HCRTR2: variants seen among roughly 807,000 people sequenced by gnomAD.
HCRTR2 encodes the protein hypocretin receptor 2, also known as orexin receptor type 2.
Under a neutral mutation model 49.0 loss-of-function variants are expected in HCRTR2, and 22 were observed. The ratio of observed to expected loss-of-function variants is 0.45; its 90% CI spans 0.32 to 0.64. The LOEUF (loss-of-function observed/expected upper bound fraction) is 0.64. HCRTR2 is among the 30% of genes least tolerant of loss of function. The pLI is 0.04. For missense variants in HCRTR2, 491 were observed against 559.4 expected (o/e 0.88, Z 1.23); for synonymous variants, 236 against 205.3 (o/e 1.15, Z -1.28).
rs538938558 is a variant in HCRTR2 at position 55,187,830 on chromosome 6, G to T, written c.223+13020G>T. The stretch of plus-strand genomic sequence containing the variant: ...AATGCTCTGTCTCCCAGACTGGAGT[G>T]CAGTGGCGCAATCTCGCCTCAGTGC... On this transcript the variant is annotated intron_variant, in intron 1 of 6. Coordinates refer to ENST00000370862, the MANE Select transcript of HCRTR2 (RefSeq NM_001384272.1). 2.6e-5 allele frequency among the ~76,000 whole-genome samples: 4 copies of T among 152,158 alleles called. No homozygotes were observed. In the South Asian group the frequency reaches 8.3e-4, roughly 32 times the overall value.
intron 1 of HCRTR2, among the ~76,000 whole-genome samples, chr6:55,111,986 A>C: frequency 6.6e-6 from 1 of 152,104 alleles, no homozygotes; most frequent in East Asian, 1.9e-4. Flanking sequence ...GGAATGGTTT[A>C]ACATATGCAA....
chr6:55,171,307 A>G (rs546466450), upstream of HCRTR2, among the ~76,000 whole-genome samples: 3 of 152,242 alleles, frequency 2.0e-5, no homozygotes, highest in East Asian at 5.8e-4. Flanking sequence ...TGAAAATATC[A>G]ATTCATTTAA....
chr6:55,129,794 T>C (rs1764329518), intron 1 of HCRTR2, among the ~76,000 whole-genome samples: 1 of 152,048 alleles, frequency 6.6e-6, no homozygotes. Context: ...ATCACATGTC[T>C]TCTCAGCCAA....
intron 1 of HCRTR2, among the ~76,000 whole-genome samples, chr6:55,240,501 C>T (rs1279823516): frequency 6.6e-6 from 1 of 151,870 alleles, no homozygotes; most frequent in South Asian, 2.1e-4. Context: ...GGCACGTTTG[C>T]ATGTAGTTCT....
At chr6:55,151,761 A>G (rs769576867) in intron 1 of HCRTR2, among the ~76,000 whole-genome samples, 29 of 151,946 alleles carry the variant, frequency 1.9e-4, no homozygotes, top group Non-Finnish European at 3.7e-4. Flanking sequence ...ATCACTATCT[A>G]TGGGAGCTAT....
chr6:55,184,826 C>T (rs1459157465), intron 1 of HCRTR2, among the ~76,000 whole-genome samples: 4 of 152,070 alleles, frequency 2.6e-5, no homozygotes, highest in Admixed American at 6.5e-5. Flanking sequence ...ATTTATAAGG[C>T]CCATGGTTTA....
intron 1 of HCRTR2, among the ~76,000 whole-genome samples, chr6:55,178,431 G>A (rs1034100750): frequency 6.6e-6 from 1 of 151,976 alleles, no homozygotes; most frequent in Non-Finnish European, 1.5e-5. Context: ...ATTAAAGATC[G>A]ATAATGACTG....
Position 55,246,670 on chromosome 6 carries a change from T to C in HCRTR2, c.224-1969T>C, listed in dbSNP as rs183744301. Among the ~76,000 whole-genome samples, 177 of 152,198 alleles carry C rather than the reference T, an allele frequency of 1.2e-3. 1 individual carries two copies. The highest frequency in any genetic ancestry group is 2.0e-3 in the Non-Finnish European group (139 of 67,970). ...AACACTTAAATTGAAGACCTAGTAC[T>C]TAGTTTTACTTTTACTTACTCTAGT... On this transcript the variant is annotated intron_variant, in intron 1 of 6. Coordinates refer to ENST00000370862, the MANE Select transcript of HCRTR2 (RefSeq NM_001384272.1).
chr6:55,182,551 G>T (rs1561998338), intron 1 of HCRTR2, among the ~76,000 whole-genome samples: 1 of 152,156 alleles, frequency 6.6e-6, no homozygotes, highest in Non-Finnish European at 1.5e-5. Context: ...CTTCAGACCA[G>T]GTTGAGTCTT....
At position 55,182,966 on chromosome 6, in the gene HCRTR2, A is replaced by G. The variant is rs553321522; in HGVS notation, c.223+8156A>G. On this transcript the variant is annotated intron_variant, in intron 1 of 6. Transcript: ENST00000370862. Reference sequence around the variant, plus strand: ...GAACAAGATAATTTGGAGGAATTCAATGCTTAATGGCATACCACTAAGATA... The same window carrying G: ...GAACAAGATAATTTGGAGGAATTCAGTGCTTAATGGCATACCACTAAGATA... 2.6e-4 allele frequency among the ~76,000 whole-genome samples: 40 copies of G among 152,338 alleles called. No individual in the cohort carries two copies. The South Asian group carries it at 3.9e-3, about 15-fold the overall frequency.
intron 1 of HCRTR2, among the ~76,000 whole-genome samples, chr6:55,192,409 G>GCA (rs1448782430): frequency 0.028 from 3,251 of 114,128 alleles, 64 homozygotes; most frequent in Middle Eastern, 0.045. Flanking sequence ...ACACGCGCGC[G>GCA]CGCGCACACA....
chr6:55,271,576 A>G (rs1300030087), intron 4 of HCRTR2, among the ~76,000 whole-genome samples: 2 of 152,172 alleles, frequency 1.3e-5, no homozygotes, highest in Admixed American at 6.6e-5. Context: ...AAACTGCACC[A>G]TTAAAAACGT....
At chr6:55,278,418 G>T (rs1459191079) in intron 5 of HCRTR2, among the ~76,000 whole-genome samples, 1 of 152,166 alleles carries the variant, frequency 6.6e-6, no homozygotes, top group East Asian at 1.9e-4. Flanking sequence ...GCCTGATTCA[G>T]AATCAATATT....
intron 2 of HCRTR2, among the ~76,000 whole-genome samples, chr6:55,253,193 AGC>A (rs1491171130): frequency 7.4e-6 from 1 of 135,330 alleles, no homozygotes; most frequent in Admixed American, 7.2e-5. Context: ...TACTTCATTT[AGC>A]ACACACACAC....
At chr6:55,278,246 A>G (rs1305021160) in intron 5 of HCRTR2, among the ~76,000 whole-genome samples, 1 of 152,218 alleles carries the variant, frequency 6.6e-6, no homozygotes, top group Non-Finnish European at 1.5e-5. Flanking sequence ...GACCCATGAC[A>G]TGAGCAGCAG....
chr6:55,277,075 C>A (rs1416253060), intron 4 of HCRTR2, among the ~76,000 whole-genome samples: 2 of 152,186 alleles, frequency 1.3e-5, no homozygotes. Flanking sequence ...ATCCCTTTAT[C>A]ATTCTCCTTT....
At chr6:55,151,144 G>A (rs1007142197) in intron 1 of HCRTR2, among the ~76,000 whole-genome samples, 6 of 151,976 alleles carry the variant, frequency 3.9e-5, no homozygotes, top group Admixed American at 1.3e-4. Flanking sequence ...TGACTTATGA[G>A]GGCAATGGTT....
intron 1 of HCRTR2, among the ~76,000 whole-genome samples, chr6:55,225,229 T>C (rs1416160098): frequency 6.6e-6 from 1 of 152,222 alleles, no homozygotes; most frequent in Admixed American, 6.5e-5. Context: ...ATTATTGGTC[T>C]ATGTTTACAT....
intron 1 of HCRTR2, among the ~76,000 whole-genome samples, chr6:55,194,107 A>G (rs1765369458): frequency 6.6e-6 from 1 of 152,200 alleles, no homozygotes; most frequent in Non-Finnish European, 1.5e-5. Flanking sequence ...AAAAACAAAA[A>G]TAAACATTGT....
Sources: allele counts gnomAD v4.1 joint callset (sites outside exome capture counted in the v4.1 genomes callset), GRCh38; gene constraint gnomAD v4.1.1; transcripts MANE v1.5; gene names NCBI Gene and HGNC (gene_info 2026-07-23, HGNC 2026-07-21).